Variants in ZNF512 observed in about 807,000 individuals in gnomAD.
The protein encoded by ZNF512 is zinc finger protein 512.
Under a neutral mutation model 77.5 loss-of-function variants are expected in ZNF512, and 25 were observed. That is an observed-to-expected ratio of 0.32 (90% confidence interval 0.23 to 0.45). ZNF512 has a LOEUF of 0.45. Ranked by LOEUF, ZNF512 falls within the 20% of genes least tolerant of loss-of-function variation. The pLI is 1.00. For missense variants in ZNF512, 483 were observed against 692.6 expected (o/e 0.70, Z 3.40); for synonymous variants, 246 against 239.9 (o/e 1.03, Z -0.24).
At chr2:27,604,217 G>T (rs954565513) in intron 9 of ZNF512, among the ~76,000 whole-genome samples, 4 of 152,174 alleles carry the variant, frequency 2.6e-5, no homozygotes, top group African/African-American at 9.7e-5. Flanking sequence ...GTGAGCCACT[G>T]TGCCCAGCCC....
At chr2:27,615,124 G>T in intron 10 of ZNF512, 44 bp from the exon 11 acceptor site, 1 of 1,230,230 alleles carries the variant, frequency 8.1e-7, no homozygotes, top group South Asian at 1.3e-5. Flanking sequence ...TATTTTGGTT[G>T]GGAGTTGTAT....
At chr2:27,592,297 TTTTATTTA>T (rs1038077165) in intron 2 of ZNF512, among the ~76,000 whole-genome samples, 1 of 150,932 alleles carries the variant, frequency 6.6e-6, no homozygotes. Context: ...AGCTTAGTTT[TTTTATTTA>T]TTTATTTATT....
At chr2:27,606,477 C>T (rs1190369484) in intron 9 of ZNF512, among the ~76,000 whole-genome samples, 3 of 152,090 alleles carry the variant, frequency 2.0e-5, no homozygotes, top group Non-Finnish European at 4.4e-5. Context: ...ATTCTCCTGC[C>T]TCAGCCTCCT....
At chr2:27,588,079 G>A (rs1671420607) in intron 2 of ZNF512, among the ~76,000 whole-genome samples, 1 of 151,728 alleles carries the variant, frequency 6.6e-6, no homozygotes, top group African/African-American at 2.4e-5. Context: ...ATTGAATTGT[G>A]GTATTTAAAA....
chr2:27,602,417 A>G (rs1299013897), intron 7 of ZNF512, 46 bp from the exon 8 acceptor site: 2 of 1,578,376 alleles, frequency 1.3e-6, no homozygotes, highest in Non-Finnish European at 1.7e-6. Context: ...CCTGTGTCTT[A>G]TCTTTTCCAT....
chr2:27,616,233 G>C lies in ZNF512; in HGVS notation c.1234-29G>C, dbSNP rs563917302. On this transcript the variant is annotated intron_variant, in intron 11 of 13. Coordinates refer to ENST00000355467, the MANE Select transcript of ZNF512 (RefSeq NM_032434.4). ...TCAGAGAAGGGAGCTATTTGGCATA[G>C]TCTTCATACTATTTCTTCTCTTTTG... 1.0e-5 allele frequency: 16 copies of C among 1,590,428 alleles called. No individual in the cohort carries two copies. In the East Asian group the frequency reaches 2.7e-4, roughly 27 times the overall value.
In ZNF512 at chr2:27,583,095, A is replaced by G. The variant is rs202090122; in HGVS notation, c.-18A>G. 2.4e-3 allele frequency: 3,794 copies of G among 1,613,528 alleles called. 6 individuals are homozygous for G. The highest frequency in any genetic ancestry group is 3.0e-3 in the Non-Finnish European group (3,509 of 1,179,858). On this transcript the variant is annotated 5_prime_UTR_variant, in exon 1 of 14. Coordinates refer to ENST00000355467, the MANE Select transcript of ZNF512 (RefSeq NM_032434.4). ...GCCGGAGCCCTTGGGTGAAATTGTTAGGCGTGGAGAGGGAGTGATGTCTTC... is the reference window on the plus strand; with the variant it reads ...GCCGGAGCCCTTGGGTGAAATTGTTGGGCGTGGAGAGGGAGTGATGTCTTC...
In ZNF512 at chr2:27,621,374, C is replaced by T. The variant is rs761744399; in HGVS notation, c.1617C>T (p.Ser539=). 1 of 1,614,058 alleles carries T rather than the reference C, an allele frequency of 6.2e-7. No individual in the cohort carries two copies. Among genetic ancestry groups the T allele is most frequent in the African/African-American group, 1.3e-5 (1 of 75,022 alleles). The change falls in exon 14 of 14, where the codon TCC becomes TCT. Residue 539 remains serine, a synonymous_variant. Coordinates refer to ENST00000355467, the MANE Select transcript of ZNF512 (RefSeq NM_032434.4). Reference sequence around the variant, plus strand: ...ATGAGGAACTGGTAGTGTCAGCCTCCTGTAAGGAACCAGAGCAGGAGCCAG... The same window carrying T: ...ATGAGGAACTGGTAGTGTCAGCCTCTTGTAAGGAACCAGAGCAGGAGCCAG... ...RNNEELVVSA[S]CKEPEQEPVP...
rs779680849 is a variant in ZNF512, at chr2:27,602,442, T to G, written c.670-21T>G. ...ATCTTTTCCATGAATCATCTTCTTGTTTACTTCTCTTGATTTCTAGCCCAT... is the reference window on the plus strand; with the variant it reads ...ATCTTTTCCATGAATCATCTTCTTGGTTACTTCTCTTGATTTCTAGCCCAT... On this transcript the variant is annotated intron_variant, in intron 7 of 13. Coordinates refer to ENST00000355467, the MANE Select transcript of ZNF512 (RefSeq NM_032434.4). 1.3e-5 allele frequency: 21 copies of G among 1,604,382 alleles called. No homozygotes were observed. In the Admixed American group the frequency reaches 3.4e-4, roughly 26 times the overall value.
chr2:27,599,182 A>G (rs541007669), intron 3 of ZNF512, among the ~76,000 whole-genome samples: 1 of 152,162 alleles, frequency 6.6e-6, no homozygotes, highest in African/African-American at 2.4e-5. Context: ...TCCTCTGTTG[A>G]TGATTTAGGG....
chr2:27,615,700 T>C (rs1289931316), intron 11 of ZNF512, among the ~76,000 whole-genome samples: 1 of 152,238 alleles, frequency 6.6e-6, no homozygotes, highest in Non-Finnish European at 1.5e-5. Flanking sequence ...ACAGCATCAC[T>C]TCCATGGTGT....
chr2:27,591,676 C>T lies in ZNF512; in HGVS notation c.90-6391C>T, dbSNP rs180879780. On this transcript the variant is annotated intron_variant, in intron 2 of 13. Coordinates refer to ENST00000355467, the MANE Select transcript of ZNF512 (RefSeq NM_032434.4). Reference sequence around the variant, plus strand: ...TGCCCACCTCGGCCTCCCAAAGTGTCGGGATTACAGGCGCGAGTCACCGCG... The same window carrying T: ...TGCCCACCTCGGCCTCCCAAAGTGTTGGGATTACAGGCGCGAGTCACCGCG... Among the ~76,000 whole-genome samples, 918 of 152,288 alleles carry T rather than the reference C, an allele frequency of 6.0e-3. 10 individuals are homozygous for T. Among genetic ancestry groups the T allele is most frequent in the African/African-American group, 0.021 (854 of 41,570 alleles).
intron 9 of ZNF512, among the ~76,000 whole-genome samples, chr2:27,604,959 A>G (rs1672289774): frequency 6.6e-6 from 1 of 152,100 alleles, no homozygotes; most frequent in Admixed American, 6.5e-5. Flanking sequence ...GTAGCCTTTC[A>G]GTCTGACTTC....
At chr2:27,587,405 T>C (rs1671383320) in intron 2 of ZNF512, among the ~76,000 whole-genome samples, 2 of 151,614 alleles carry the variant, frequency 1.3e-5, no homozygotes, top group South Asian at 4.2e-4. Context: ...GCCTCCTGAG[T>C]AGCTGGGATT....
intron 3 of ZNF512, among the ~76,000 whole-genome samples, chr2:27,599,041 A>G (rs377246832): frequency 6.6e-6 from 1 of 152,100 alleles, no homozygotes; most frequent in South Asian, 2.1e-4. Flanking sequence ...GGGTTTCTCC[A>G]TGTTGGTCAG....
Position 27,617,377 on chromosome 2 carries a change from G to A in ZNF512, c.1297-96G>A, listed in dbSNP as rs1245955885. The A allele has an allele frequency of 5.8e-6, 4 of 692,718 alleles. No individual in the cohort carries two copies. The South Asian group carries it at 6.6e-5, about 11-fold the overall frequency. 42.9% of individuals were successfully genotyped at this position (692,718 alleles called of 1,614,324 possible). A position where few individuals can be genotyped will look rare whatever the true frequency, so the allele number is the denominator to read the frequency against. ...TTTCCTTCTTATCTTTGCTGAAGTA[G>A]AATTCCCTCTTTTCATCTCTAACAA... On this transcript the variant is annotated intron_variant, in intron 12 of 13. Coordinates refer to ENST00000355467, the MANE Select transcript of ZNF512 (RefSeq NM_032434.4).
At chr2:27,617,613 A>T in intron 13 of ZNF512, 42 bp downstream of exon 13, 1 of 803,774 alleles carries the variant, frequency 1.2e-6, no homozygotes, top group Non-Finnish European at 2.3e-6. Flanking sequence ...TGTAAGCCAC[A>T]AGAGAGGTAG....
intron 3 of ZNF512, 133 bp downstream of exon 3, chr2:27,598,387 T>C (rs1179529200): frequency 1.5e-5 from 13 of 885,294 alleles, no homozygotes; most frequent in Admixed American, 2.6e-5. Flanking sequence ...CCCAGCACTT[T>C]GGGAGGTCGA....
At chr2:27,611,173 T>C (rs1672644273) in intron 10 of ZNF512, among the ~76,000 whole-genome samples, 1 of 152,214 alleles carries the variant, frequency 6.6e-6, no homozygotes, top group Non-Finnish European at 1.5e-5. Context: ...AGTTTCCAAA[T>C]GCTCTTCACC....
Sources: allele counts gnomAD v4.1 joint callset (sites outside exome capture counted in the v4.1 genomes callset), GRCh38; gene constraint gnomAD v4.1.1; transcripts MANE v1.5; gene names NCBI Gene and HGNC (gene_info 2026-07-23, HGNC 2026-07-21).